Variants in CDH18 observed in about 807,000 individuals in gnomAD.
CDH18 encodes the protein cadherin-18.
CDH18 carries 31 observed loss-of-function variants against 67.9 expected under a neutral mutation model. The observed-to-expected ratio is 0.46, with a 90% CI of 0.34 to 0.62. The LOEUF is 0.62. Among genes scored for constraint, CDH18 ranks in the 20% least tolerant of loss-of-function variants. The pLI, the probability that CDH18 is intolerant of heterozygous loss-of-function variation, is 0.01. For missense variants in CDH18, 890 were observed against 975.5 expected, an observed-to-expected ratio of 0.91 and a Z score of 1.17; for synonymous variants, 362 against 347.2, an observed-to-expected ratio of 1.04 and a Z score of -0.48.
intron 1 of CDH18, among the ~76,000 whole-genome samples, chr5:20,556,760 G>GTTATTTT (rs1757929895): frequency 6.6e-6 from 1 of 152,046 alleles, no homozygotes; most frequent in Non-Finnish European, 1.5e-5. Context: ...TAAGTTAATG[G>GTTATTTT]TTTTTGAAGA....
At chr5:19,800,016 G>A (rs1456057316) in intron 3 of CDH18, among the ~76,000 whole-genome samples, 1 of 152,092 alleles carries the variant, frequency 6.6e-6, no homozygotes, top group Non-Finnish European at 1.5e-5. Flanking sequence ...TTCCCACAAA[G>A]TAAAGTTTGT....
chr5:20,567,223 G>T (rs553209743), intron 1 of CDH18, among the ~76,000 whole-genome samples: 3 of 152,140 alleles, frequency 2.0e-5, no homozygotes, highest in Non-Finnish European at 4.4e-5. Context: ...CATCCCTAGG[G>T]CTGGGAGAAC....
At chr5:20,492,515 C>T (rs1753654438) in intron 1 of CDH18, among the ~76,000 whole-genome samples, 1 of 152,016 alleles carries the variant, frequency 6.6e-6, no homozygotes, top group South Asian at 2.1e-4. Flanking sequence ...AAATACAGTT[C>T]TTCATTTCAA....
At chr5:19,810,502 TATCA>T (rs1220915458) in intron 3 of CDH18, among the ~76,000 whole-genome samples, 1 of 152,036 alleles carries the variant, frequency 6.6e-6, no homozygotes, top group African/African-American at 2.4e-5. Flanking sequence ...TAAGAAATTA[TATCA>T]ATTAGAAGTT....
chr5:20,019,493 G>A (rs1173252793), intron 2 of CDH18, among the ~76,000 whole-genome samples: 1 of 152,136 alleles, frequency 6.6e-6, no homozygotes, highest in Non-Finnish European at 1.5e-5. Flanking sequence ...TTTGCCTCTT[G>A]CTGGTCTCAT....
intron 1 of CDH18, among the ~76,000 whole-genome samples, chr5:20,350,858 A>G (rs889747006): frequency 1.3e-5 from 2 of 152,164 alleles, no homozygotes; most frequent in African/African-American, 4.8e-5. Context: ...TCAGGTTAGA[A>G]TTGCTCTTTC....
chr5:19,646,511 T>C, intron 5 of CDH18, among the ~76,000 whole-genome samples: 1 of 152,024 alleles, frequency 6.6e-6, no homozygotes, highest in East Asian at 1.9e-4. Context: ...AGCTAATTTT[T>C]GTATTTTTAG....
At chr5:20,560,843 C>A (rs1338383312) in intron 1 of CDH18, among the ~76,000 whole-genome samples, 1 of 151,800 alleles carries the variant, frequency 6.6e-6, no homozygotes, top group East Asian at 1.9e-4. Flanking sequence ...CCACAGACTG[C>A]AAGAAAATAT....
chr5:19,763,099 G>A (rs901131789), intron 3 of CDH18, among the ~76,000 whole-genome samples: 1 of 152,166 alleles, frequency 6.6e-6, no homozygotes, highest in East Asian at 1.9e-4. Context: ...GGCCTGTCAT[G>A]GGGTCTGGGG....
chr5:19,590,126 T>C (rs1744850190), intron 7 of CDH18, among the ~76,000 whole-genome samples: 1 of 152,114 alleles, frequency 6.6e-6, no homozygotes, highest in African/African-American at 2.4e-5. Context: ...ATAGCTCATG[T>C]GGAACATAGC....
chr5:20,437,092 G>C (rs1241018979), intron 1 of CDH18, among the ~76,000 whole-genome samples: 1 of 149,180 alleles, frequency 6.7e-6, no homozygotes, highest in Non-Finnish European at 1.5e-5. Flanking sequence ...GACAAAGAAG[G>C]TGACAGATTT....
At chr5:19,501,517 A>G (rs1226294401) in intron 11 of CDH18, among the ~76,000 whole-genome samples, 2 of 148,718 alleles carry the variant, frequency 1.3e-5, no homozygotes, top group African/African-American at 4.9e-5. Flanking sequence ...TAAAAAAGAA[A>G]AAAAAAAAAA....
intron 1 of CDH18, among the ~76,000 whole-genome samples, chr5:20,366,297 C>T (rs1375990901): frequency 2.0e-5 from 3 of 152,152 alleles, no homozygotes; most frequent in Non-Finnish European, 4.4e-5. Context: ...CCACCACCAC[C>T]ACCCATTCAC....
chr5:20,074,750 CATT>C (rs1038570909), intron 2 of CDH18, among the ~76,000 whole-genome samples: 1 of 148,286 alleles, frequency 6.7e-6, no homozygotes, highest in Non-Finnish European at 1.5e-5. Flanking sequence ...TTTTTTGCAT[CATT>C]AAGGTTGTTA....
chr5:19,843,061 T>A (rs1300333438), intron 2 of CDH18, among the ~76,000 whole-genome samples: 3 of 152,180 alleles, frequency 2.0e-5, no homozygotes, highest in African/African-American at 7.2e-5. Context: ...AAAGAAAAAC[T>A]AATTTTATGG....
chr5:19,499,613 TTA>T (rs1022039082), intron 11 of CDH18, among the ~76,000 whole-genome samples: 1 of 152,132 alleles, frequency 6.6e-6, no homozygotes, highest in Non-Finnish European at 1.5e-5. Context: ...ACCAATTTTT[TTA>T]TCTTTTTTGT....
chr5:20,304,194 C>T, intron 1 of CDH18: 1 of 1,516,900 alleles, frequency 6.6e-7, no homozygotes, highest in South Asian at 1.1e-5. Context: ...TTATTTTTCC[C>T]TGTTGGCGTA....
chr5:20,280,897 A>G (rs1244644840), intron 1 of CDH18, among the ~76,000 whole-genome samples: 2 of 152,228 alleles, frequency 1.3e-5, no homozygotes, highest in Non-Finnish European at 2.9e-5. Context: ...AATGATCGCC[A>G]TTCAAACTGG....
intron 1 of CDH18, among the ~76,000 whole-genome samples, chr5:20,399,535 C>T (rs916747779): frequency 6.6e-5 from 10 of 152,070 alleles, no homozygotes; most frequent in African/African-American, 2.4e-4. Context: ...AACTTGAATT[C>T]GATATTACTT....
Sources: gnomAD v4.1 joint callset for allele counts (sites outside exome capture counted in the v4.1 genomes callset) on GRCh38, gnomAD v4.1.1 for gene constraint, MANE v1.5 for transcripts, NCBI Gene and HGNC (gene_info 2026-07-23, HGNC 2026-07-21) for gene names.